TCEA1: variants seen among roughly 807,000 people sequenced by gnomAD.
TCEA1 encodes transcription elongation factor A1, also known as transcription elongation factor A protein 1.
TCEA1 carries 21 observed loss-of-function variants against 43.8 expected under a neutral mutation model. That is an observed-to-expected ratio of 0.48 (90% CI 0.34 to 0.69). TCEA1 has a LOEUF of 0.69. Among genes scored for constraint, TCEA1 ranks in the 30% least tolerant of loss-of-function variants. The pLI is 0.01. For synonymous variants in TCEA1, 104 were observed against 117.5 expected, an observed-to-expected ratio of 0.88 and a Z score of 0.75; for missense variants, 250 against 365.1, an observed-to-expected ratio of 0.68 and a Z score of 2.57.
chr8:53,968,960 T>C (rs1305236684), intron 9 of TCEA1, among the ~76,000 whole-genome samples: 3 of 151,968 alleles, frequency 2.0e-5, no homozygotes, highest in Non-Finnish European at 4.4e-5. Flanking sequence ...TCAGTAGCAG[T>C]AATCTTTCCA....
intron 7 of TCEA1, 34 bp downstream of exon 7, chr8:53,984,329 A>C (rs750568744): frequency 4.6e-5 from 72 of 1,556,152 alleles, no homozygotes; most frequent in Non-Finnish European, 5.8e-5. Context: ...ACACAGAATC[A>C]CATTATAGAA....
chr8:54,000,701 G>C (rs1055714645), intron 2 of TCEA1, among the ~76,000 whole-genome samples: 2 of 151,802 alleles, frequency 1.3e-5, no homozygotes, highest in Non-Finnish European at 2.9e-5. Flanking sequence ...GAAGAGATTG[G>C]AAGTACCAAT....
At chr8:53,999,224 C>CAAAAAAAAAAAAA (rs57357613) in intron 3 of TCEA1, among the ~76,000 whole-genome samples, 2 of 64,534 alleles carry the variant, frequency 3.1e-5, no homozygotes, top group African/African-American at 5.3e-5. Flanking sequence ...GACTCAGTCT[C>CAAAAAAAAAAAAA]AAAAAAAAAA....
chr8:53,991,028 G>C (rs1036721353), intron 4 of TCEA1, among the ~76,000 whole-genome samples: 2 of 152,060 alleles, frequency 1.3e-5, no homozygotes, highest in African/African-American at 4.8e-5. Flanking sequence ...TACTTTATCA[G>C]ACTTCACATA....
chr8:53,998,796 TA>T (rs1343138699), intron 3 of TCEA1, among the ~76,000 whole-genome samples: 1 of 152,096 alleles, frequency 6.6e-6, no homozygotes, highest in African/African-American at 2.4e-5. Context: ...TGAACCTAAG[TA>T]AACAGGTTGG....
At chr8:53,972,782 T>G in intron 8 of TCEA1, 1 of 717,734 alleles carries the variant, frequency 1.4e-6, no homozygotes, top group Non-Finnish European at 2.7e-6. Flanking sequence ...TAGACTGTGA[T>G]TCTCCTGAAA....
chr8:54,017,398 C>T (rs1804866754), intron 1 of TCEA1, among the ~76,000 whole-genome samples: 1 of 152,192 alleles, frequency 6.6e-6, no homozygotes, highest in Non-Finnish European at 1.5e-5. Context: ...AATGTGAAGA[C>T]AAAGAGGATG....
chr8:53,997,628 T>C (rs756925295), intron 3 of TCEA1, among the ~76,000 whole-genome samples: 70 of 152,240 alleles, frequency 4.6e-4, no homozygotes, highest in Admixed American at 1.5e-3. Context: ...CCAAGCGCGA[T>C]GGCTCACGCC....
chr8:53,998,426 T>C (rs927251609), intron 3 of TCEA1, among the ~76,000 whole-genome samples: 9 of 152,282 alleles, frequency 5.9e-5, no homozygotes, highest in African/African-American at 2.2e-4. Flanking sequence ...GCATACATAC[T>C]TTCTTCTATA....
At chr8:54,001,208 T>A (rs1299471204) in intron 2 of TCEA1, among the ~76,000 whole-genome samples, 1 of 152,102 alleles carries the variant, frequency 6.6e-6, no homozygotes, top group Non-Finnish European at 1.5e-5. Flanking sequence ...TTTAGTAAGT[T>A]CGGGTTGTTA....
intron 5 of TCEA1, among the ~76,000 whole-genome samples, chr8:53,987,237 T>G (rs941446922): frequency 1.3e-5 from 2 of 152,224 alleles, no homozygotes; most frequent in African/African-American, 4.8e-5. Context: ...CCTGCACTGA[T>G]GATTCCTGAT....
chr8:54,010,336 T>A, intron 2 of TCEA1, 94 bp downstream of exon 2: 2 of 942,776 alleles, frequency 2.1e-6, no homozygotes, highest in Non-Finnish European at 3.2e-6. Flanking sequence ...TACACCATTA[T>A]CAAGAGACTA....
chr8:53,969,499 A>G (rs1301689758), intron 9 of TCEA1, among the ~76,000 whole-genome samples: 1 of 151,612 alleles, frequency 6.6e-6, no homozygotes, highest in African/African-American at 2.4e-5. Flanking sequence ...GTATAAATGA[A>G]AAAAAAAAGA....
At chr8:53,997,529 C>G (rs1723252580) in intron 3 of TCEA1, among the ~76,000 whole-genome samples, 1 of 152,144 alleles carries the variant, frequency 6.6e-6, no homozygotes, top group African/African-American at 2.4e-5. Context: ...AAACAGTATT[C>G]CAACTGGGGA....
In TCEA1 at chr8:53,997,537, G is replaced by C. The variant is rs533283167; in HGVS notation, c.232+2408C>G. ...CATGCTTAAACAGTATTCCAACTGG[G>C]GATGTACAACCTGATCTAATCATGA... On this transcript the variant is annotated intron_variant, in intron 3 of 9. Coordinates refer to ENST00000521604, the MANE Select transcript of TCEA1 (RefSeq NM_006756.4). 5.3e-5 allele frequency among the ~76,000 whole-genome samples: 8 copies of C among 152,242 alleles called. No individual in the cohort carries two copies. In the South Asian group the frequency reaches 1.7e-3, roughly 32 times the overall value.
At position 53,968,087 on chromosome 8, in the gene TCEA1, T is replaced by C. The variant is rs1803042626; in HGVS notation, c.*17A>G. ...CCGTTTTCTTAATGGTCCAGATATT[T>C]TGCCAATTCTTCCAACTCAACAGAA... On this transcript the variant is annotated 3_prime_UTR_variant, in exon 10 of 10. Coordinates refer to ENST00000521604, the MANE Select transcript of TCEA1 (RefSeq NM_006756.4). 1.3e-6 allele frequency: 2 copies of C among 1,526,706 alleles called. No homozygotes were observed. The highest frequency in any genetic ancestry group is 8.9e-7 in the Non-Finnish European group (1 of 1,129,346). 94.6% of individuals were successfully genotyped at this position (1,526,706 alleles called of 1,614,324 possible).
At chr8:53,986,917 A>G in intron 6 of TCEA1, 52 bp downstream of exon 6, 1 of 1,430,764 alleles carries the variant, frequency 7.0e-7, no homozygotes, top group Non-Finnish European at 9.5e-7. Context: ...CATATGTTCA[A>G]TAAATATTAC....
rs184187642 is a variant in TCEA1, at chr8:53,985,644, T to G, written c.524-1127A>C. On this transcript the variant is annotated intron_variant, in intron 6 of 9. Coordinates refer to ENST00000521604, the MANE Select transcript of TCEA1 (RefSeq NM_006756.4). Reference sequence around the variant, plus strand: ...AAGCTGAACCCTGGAACAGCTCCCTTCCTAATAAGGCCATTTCCTCAACCA... The same window carrying G: ...AAGCTGAACCCTGGAACAGCTCCCTGCCTAATAAGGCCATTTCCTCAACCA... Among the ~76,000 whole-genome samples, 7 of 152,192 alleles carry G rather than the reference T, an allele frequency of 4.6e-5. 1 individual carries two copies. The highest frequency in any genetic ancestry group is 4.6e-4 in the Admixed American group (7 of 15,296).
At chr8:53,985,001 A>T (rs1228596339) in intron 6 of TCEA1, among the ~76,000 whole-genome samples, 1 of 152,168 alleles carries the variant, frequency 6.6e-6, no homozygotes, top group East Asian at 1.9e-4. Context: ...AATAATAGTG[A>T]TATTACTTTT....
Sources: gnomAD v4.1 joint callset for allele counts (sites outside exome capture counted in the v4.1 genomes callset) on GRCh38, gnomAD v4.1.1 for gene constraint, MANE v1.5 for transcripts, NCBI Gene and HGNC (gene_info 2026-07-23, HGNC 2026-07-21) for gene names.